The following VPS8 variants were observed in gnomAD, a reference collection of about 807,000 sequenced individuals.
VPS8 encodes vacuolar protein sorting-associated protein 8 homolog.
Under a neutral mutation model 216.4 loss-of-function variants are expected in VPS8, and 129 were observed. The ratio of observed to expected loss-of-function variants is 0.60; its 90% CI spans 0.52 to 0.69. The LOEUF is 0.69. Among genes scored for constraint, VPS8 ranks in the 30% least tolerant of loss-of-function variants. The pLI, the probability that VPS8 is intolerant of heterozygous loss-of-function variation, is 0.00. For missense variants in VPS8, 1,531 were observed against 1,683.5 expected, an observed-to-expected ratio of 0.91 and a Z score of 1.59; for synonymous variants, 571 against 565.4, an observed-to-expected ratio of 1.01 and a Z score of -0.14.
intron 38 of VPS8, among the ~76,000 whole-genome samples, chr3:184,965,440 G>A (rs1413335799): frequency 6.6e-6 from 1 of 152,118 alleles, no homozygotes. Flanking sequence ...AGGAGAAACA[G>A]GAGATCTCTG....
At chr3:184,918,801 G>T (rs933017182) in intron 28 of VPS8, among the ~76,000 whole-genome samples, 2 of 152,158 alleles carry the variant, frequency 1.3e-5, no homozygotes, top group African/African-American at 4.8e-5. Flanking sequence ...TAGCAGGCAG[G>T]GATGGGTGTC....
chr3:184,956,557 T>C (rs1029927723), intron 36 of VPS8, among the ~76,000 whole-genome samples: 2 of 152,170 alleles, frequency 1.3e-5, no homozygotes, highest in African/African-American at 2.4e-5. Context: ...GAAGAGAAGA[T>C]AGGACTCTCA....
At chr3:185,048,742 A>G (rs1713515372) in intron 47 of VPS8, among the ~76,000 whole-genome samples, 183 bp downstream of exon 47, 1 of 152,042 alleles carries the variant, frequency 6.6e-6, no homozygotes, top group Admixed American at 6.6e-5. Flanking sequence ...TGGCAAAGAG[A>G]GCAAAGGAAG....
intron 35 of VPS8, among the ~76,000 whole-genome samples, chr3:184,939,403 TA>T (rs929917521): frequency 1.6e-4 from 24 of 152,068 alleles, no homozygotes; most frequent in African/African-American, 4.6e-4. Flanking sequence ...TGTCAAAAAA[TA>T]AAAAAACAAA....
intron 43 of VPS8, 60 bp from the exon 44 acceptor site, chr3:184,996,272 C>T (rs773484066): frequency 6.1e-4 from 918 of 1,504,166 alleles, no homozygotes; most frequent in Non-Finnish European, 7.5e-4. Flanking sequence ...CATTCATCTC[C>T]TCTATCTCTT....
intron 1 of VPS8, among the ~76,000 whole-genome samples, chr3:184,817,712 A>C (rs1315918384): frequency 1.3e-5 from 2 of 152,232 alleles, no homozygotes; most frequent in East Asian, 3.8e-4. Flanking sequence ...TGATAGATTT[A>C]ATTTGCAACA....
At position 184,928,531 on chromosome 3, in the gene VPS8, G is replaced by C. The variant is rs1376590388; in HGVS notation, c.2712G>C (p.Glu904Asp). 1 of 1,507,094 alleles carries C rather than the reference G, an allele frequency of 6.6e-7. No individual in the cohort carries two copies. Among genetic ancestry groups the C allele is most frequent in the South Asian group, 1.4e-5 (1 of 70,114 alleles). 93.4% of individuals were successfully genotyped at this position (1,507,094 alleles called of 1,614,324 possible). ...TCATCCGGATGGCAGAAAAAGCTGA[G>C]TTGTAAGTTGTTTTGAGGCTGTATA... ...SRLIRMAEKA[E>D]FYQICEFMYE... Residue 904 changes from glutamate to aspartate, a missense_variant and splice_region_variant, in exon 32 of 48, where the codon GAG becomes GAC. Glu to Asp is a conservative substitution (Grantham distance 45). Transcript: ENST00000625842.
intron 1 of VPS8, among the ~76,000 whole-genome samples, chr3:184,819,313 TAA>T (rs571781726): frequency 2.6e-3 from 392 of 152,348 alleles, no homozygotes; most frequent in African/African-American, 8.9e-3. Context: ...GATTTCATTC[TAA>T]GAGAGACTAA....
At chr3:184,910,123 C>G (rs965343188) in intron 25 of VPS8, among the ~76,000 whole-genome samples, 1 of 135,142 alleles carries the variant, frequency 7.4e-6, no homozygotes, top group Non-Finnish European at 1.6e-5. Context: ...TTGCAAGATT[C>G]TCCTATTTTT....
Position 184,819,734 on chromosome 3 carries a change from C to A in VPS8, c.-88-4811C>A, listed in dbSNP as rs114974387. On this transcript the variant is annotated intron_variant, in intron 1 of 47. Transcript: ENST00000625842. ...AACAATGCGGGGGTTAAGGGCACTA[C>A]CCCCTCAACCAGTGGAAAATCTGAG... Among the ~76,000 whole-genome samples, 673 of 152,256 alleles carry A rather than the reference C, an allele frequency of 4.4e-3. 7 individuals are homozygous for A. The highest frequency in any genetic ancestry group is 0.015 in the African/African-American group (631 of 41,544).
At chr3:185,017,375 A>G (rs528517540) in intron 45 of VPS8, among the ~76,000 whole-genome samples, 3 of 152,216 alleles carry the variant, frequency 2.0e-5, no homozygotes, top group South Asian at 2.1e-4. Context: ...CACAGGTAGG[A>G]TGTTTATCAG....
chr3:184,883,909 G>C (rs546028509), intron 21 of VPS8, among the ~76,000 whole-genome samples: 1 of 152,012 alleles, frequency 6.6e-6, no homozygotes, highest in Non-Finnish European at 1.5e-5. Context: ...AGTTCCTCCA[G>C]ACATTCTTGT....
intron 22 of VPS8, among the ~76,000 whole-genome samples, chr3:184,891,205 TAAG>T (rs527410933): frequency 4.8e-4 from 73 of 152,290 alleles, no homozygotes; most frequent in Admixed American, 1.8e-3. Context: ...CCACAGTTGT[TAAG>T]AAGCCATCGT....
chr3:184,953,673 A>G (rs866479844), intron 36 of VPS8, among the ~76,000 whole-genome samples: 1 of 152,218 alleles, frequency 6.6e-6, no homozygotes, highest in African/African-American at 2.4e-5. Context: ...TTTAATTTCT[A>G]CAGGGAATCA....
At chr3:184,910,907 T>C (rs1263900512) in intron 25 of VPS8, among the ~76,000 whole-genome samples, 2 of 152,228 alleles carry the variant, frequency 1.3e-5, no homozygotes, top group Non-Finnish European at 2.9e-5. Context: ...AGGTAGTTAC[T>C]TTCTGTATGA....
chr3:184,971,259 G>A (rs1006972178), intron 39 of VPS8, among the ~76,000 whole-genome samples: 5 of 152,152 alleles, frequency 3.3e-5, no homozygotes, highest in Admixed American at 3.3e-4. Context: ...AAAATGAAGA[G>A]AGACCTAAAA....
chr3:184,995,823 T>C (rs1752540582), intron 43 of VPS8, among the ~76,000 whole-genome samples: 1 of 152,190 alleles, frequency 6.6e-6, no homozygotes. Context: ...AAATGTGATC[T>C]CTCTGCCCAA....
At chr3:184,821,546 C>T (rs1717595759) in intron 1 of VPS8, among the ~76,000 whole-genome samples, 1 of 151,866 alleles carries the variant, frequency 6.6e-6, no homozygotes, top group African/African-American at 2.4e-5. Context: ...CGAGGTTTCA[C>T]CGTGTTGCTG....
chr3:184,981,895 G>A (rs888360346), intron 40 of VPS8, among the ~76,000 whole-genome samples: 1 of 152,004 alleles, frequency 6.6e-6, no homozygotes, highest in Non-Finnish European at 1.5e-5. Context: ...GTTATTATGA[G>A]ATTGAAATGC....
Sources: allele counts gnomAD v4.1 joint callset (sites outside exome capture counted in the v4.1 genomes callset), GRCh38; gene constraint gnomAD v4.1.1; transcripts MANE v1.5; gene names NCBI Gene and HGNC (gene_info 2026-07-23, HGNC 2026-07-21).